Variants in GABARAPL2 observed in about 807,000 individuals in gnomAD.
GABARAPL2 encodes the protein GABA type A receptor associated protein like 2.
GABARAPL2 carries 11 observed loss-of-function variants against 16.9 expected under a neutral mutation model. That is an observed-to-expected ratio of 0.65 (90% CI 0.41 to 1.08). The LOEUF is 1.08. GABARAPL2 is among the 50% of genes least tolerant of loss of function. GABARAPL2 has a pLI of 0.00. For missense variants in GABARAPL2, 134 were observed against 142.5 expected (o/e 0.94, Z 0.30); for synonymous variants, 57 against 50.7 (o/e 1.12, Z -0.53).
chr16:75,570,661 C>T (rs961792260), intron 3 of GABARAPL2, among the ~76,000 whole-genome samples: 11 of 152,094 alleles, frequency 7.2e-5, no homozygotes, highest in Non-Finnish European at 1.3e-4. Flanking sequence ...AGGCGGTCAC[C>T]ATGTAAAGTG....
intron 3 of GABARAPL2, among the ~76,000 whole-genome samples, chr16:75,570,169 C>G (rs988205646): frequency 6.6e-6 from 1 of 152,078 alleles, no homozygotes; most frequent in African/African-American, 2.4e-5. Context: ...AATCTGAGCT[C>G]ACTACAATCT....
At chr16:75,574,926 G>T (rs1209616629) in intron 3 of GABARAPL2, among the ~76,000 whole-genome samples, 2 of 152,012 alleles carry the variant, frequency 1.3e-5, no homozygotes, top group African/African-American at 2.4e-5. Context: ...CCAGCTACTT[G>T]GGAGGCTAAG....
intron 2 of GABARAPL2, 129 bp from the exon 3 acceptor site, chr16:75,567,908 C>G (rs193041607): frequency 1.6e-6 from 1 of 616,592 alleles, no homozygotes; most frequent in East Asian, 2.6e-5. Context: ...AAGCCAAAGA[C>G]ATATTTTCTC....
intron 1 of GABARAPL2, 74 bp from the exon 2 acceptor site, chr16:75,566,775 CAGG>C (rs1259514264): frequency 1.2e-5 from 16 of 1,350,324 alleles, no homozygotes; most frequent in Non-Finnish European, 1.5e-5. Context: ...ACGCAGGGCG[CAGG>C]AGGAGGAGGG....
intron 3 of GABARAPL2, among the ~76,000 whole-genome samples, chr16:75,568,763 C>G (rs528963210): frequency 1.3e-5 from 2 of 152,354 alleles, no homozygotes; most frequent in Admixed American, 1.3e-4. Context: ...CTTTGACTGT[C>G]AGACTATTGT....
chr16:75,571,327 T>G (rs865873589), intron 3 of GABARAPL2, among the ~76,000 whole-genome samples: 1 of 152,200 alleles, frequency 6.6e-6, no homozygotes, highest in African/African-American at 2.4e-5. Flanking sequence ...CTGTGCTGTT[T>G]AAGAATATGG....
intron 3 of GABARAPL2, among the ~76,000 whole-genome samples, chr16:75,574,425 T>C (rs541961917): frequency 6.6e-6 from 1 of 152,154 alleles, no homozygotes; most frequent in African/African-American, 2.4e-5. Context: ...AGCGGGGAGA[T>C]GTTACGACAG....
Position 75,577,803 on chromosome 16 carries a change from G to C in GABARAPL2, c.*434G>C, listed in dbSNP as rs990735248. 1 of 159,900 alleles carries C rather than the reference G, an allele frequency of 6.3e-6. No individual in the cohort carries two copies. Among genetic ancestry groups the C allele is most frequent in the African/African-American group, 2.4e-5 (1 of 41,538 alleles). 9.9% of individuals were successfully genotyped at this position (159,900 alleles called of 1,614,324 possible). On this transcript the variant is annotated 3_prime_UTR_variant, in exon 4 of 4. Transcript: ENST00000037243. ...CTAGAATATGCCAACTGCCAATCATGTTGGACTGAGCTAATTTGTTCCTCT... is the reference window on the plus strand; with the variant it reads ...CTAGAATATGCCAACTGCCAATCATCTTGGACTGAGCTAATTTGTTCCTCT...
At position 75,566,922 on chromosome 16, in the gene GABARAPL2, C is replaced by G. The variant is rs1408910039; in HGVS notation, c.90+15C>G. ...ACAGGGTTCCGGTGAGTGGACTCTCCGCCCCCTCACCTCGCTGTCACCTCT... is the reference window on the plus strand; with the variant it reads ...ACAGGGTTCCGGTGAGTGGACTCTCGGCCCCCTCACCTCGCTGTCACCTCT... On this transcript the variant is annotated intron_variant, in intron 2 of 3. Coordinates refer to ENST00000037243, the MANE Select transcript of GABARAPL2 (RefSeq NM_007285.7). 3 of 1,601,928 alleles carry G rather than the reference C, an allele frequency of 1.9e-6. No homozygotes were observed. The highest frequency in any genetic ancestry group is 2.7e-5 in the African/African-American group (2 of 74,722).
chr16:75,575,954 A>T (rs1369714095), intron 3 of GABARAPL2: 1 of 152,196 alleles, frequency 6.6e-6, no homozygotes, highest in East Asian at 1.9e-4. Flanking sequence ...TACACTGCAC[A>T]TCCCAATTCA....
rs1298236655 is a variant in GABARAPL2, at chr16:75,566,618, ATG to A, written c.34+99_34+100del. The A allele has an allele frequency of 2.9e-6, 4 of 1,361,542 alleles. No homozygotes were observed. In the East Asian group the frequency reaches 9.5e-5, roughly 32 times the overall value. The allele number at this position is 1,361,542 out of a possible 1,614,324, so 84.3% of individuals were successfully genotyped here. ...CCCTGGGCCGAGTGGAGCGGGGCGG[ATG>A]CCCTGCTGCGGGCTGGAGTCGCCCA... is the stretch of plus-strand genomic sequence containing the variant. On this transcript the variant is annotated intron_variant, in intron 1 of 3. Coordinates refer to ENST00000037243, the MANE Select transcript of GABARAPL2 (RefSeq NM_007285.7).
rs1330346049 is a variant in GABARAPL2 at position 75,568,088 on chromosome 16, A to G, written c.142A>G (p.Lys48Glu). Residue 48 changes from lysine to glutamate, a missense_variant, in exon 3 of 4, where the codon AAG (lysine) becomes GAG (glutamate). Transcript: ENST00000037243. ...TCAGATTGTTGACATTGACAAACGGAAGTACTTGGTTCCATCTGATATCAC... is the reference window on the plus strand; with the variant it reads ...TCAGATTGTTGACATTGACAAACGGGAGTACTTGGTTCCATCTGATATCAC... ...GSQIVDIDKR[K>E]YLVPSDITVA... 6.2e-7 allele frequency: 1 copy of G among 1,610,702 alleles called. No homozygotes were observed. The highest frequency in any genetic ancestry group is 2.2e-5 in the East Asian group (1 of 44,770).
In GABARAPL2 at chr16:75,566,406, T is replaced by TGCC. The variant is rs1194615542; in HGVS notation, c.-76_-74dup. 2 of 1,086,628 alleles carry TGCC rather than the reference T, an allele frequency of 1.8e-6. No individual in the cohort carries two copies. Among genetic ancestry groups the TGCC allele is most frequent in the Admixed American group, 4.0e-5 (2 of 49,934 alleles). 67.3% of individuals were successfully genotyped at this position (1,086,628 alleles called of 1,614,324 possible). ...TCGCCGCCGTCGCTGCCGCTGCCGCTGCCGCCGTCGTTGTTGTTGTGCTCG... is the reference window on the plus strand; with the variant it reads ...TCGCCGCCGTCGCTGCCGCTGCCGCTGCCGCCGCCGTCGTTGTTGTTGTGCTCG... On this transcript the variant is annotated 5_prime_UTR_variant, in exon 1 of 4. Coordinates refer to ENST00000037243, the MANE Select transcript of GABARAPL2 (RefSeq NM_007285.7).
chr16:75,566,469 C>G lies in GABARAPL2; in HGVS notation c.-18C>G, dbSNP rs2080882856. The stretch of plus-strand genomic sequence containing the variant: ...CCGCGGCTCCGCGAGCCGGTTCCGT[C>G]CCCTTCCCGCCGCCGCCATGAAGTG... On this transcript the variant is annotated 5_prime_UTR_variant, in exon 1 of 4. Transcript: ENST00000037243. The G allele has an allele frequency of 1.3e-6, 2 of 1,599,176 alleles. No homozygotes were observed. Among genetic ancestry groups the G allele is most frequent in the African/African-American group, 1.4e-5 (1 of 73,374 alleles).
At chr16:75,572,484 ATCCATACAGTTCTAGGTCAGCCTC>A (rs1480929333) in intron 3 of GABARAPL2, 2 of 152,348 alleles carry the variant, frequency 1.3e-5, no homozygotes, top group East Asian at 3.9e-4. Flanking sequence ...GGGATTGGGC[ATCCATACAGTTCTAGGTCAGCCTC>A]TCCCAATGCA....
In GABARAPL2 at chr16:75,568,233, C is replaced by T. The variant is rs759302311; in HGVS notation, c.263+24C>T. ...AGGTGAGAGGTGTTTACTAGATGGGCCCTCTGGTATTAGACATCTGGTTGG... is the reference window on the plus strand; with the variant it reads ...AGGTGAGAGGTGTTTACTAGATGGGTCCTCTGGTATTAGACATCTGGTTGG... On this transcript the variant is annotated intron_variant, in intron 3 of 3. Transcript: ENST00000037243. 2.7e-5 allele frequency: 41 copies of T among 1,541,492 alleles called. No individual in the cohort carries two copies. The East Asian group carries it at 8.7e-4, about 33-fold the overall frequency.
intron 2 of GABARAPL2, among the ~76,000 whole-genome samples, chr16:75,567,389 G>A (rs2080890459): frequency 6.6e-6 from 1 of 152,130 alleles, no homozygotes; most frequent in Non-Finnish European, 1.5e-5. Context: ...AACCCCTTCT[G>A]CCATATTTTC....
At position 75,577,368 on chromosome 16, in the gene GABARAPL2, G is replaced by T; in HGVS notation, c.353G>T (p.Ter118LeuextTer6). 6.3e-7 allele frequency: 1 copy of T among 1,583,058 alleles called. No individual in the cohort carries two copies. The highest frequency in any genetic ancestry group is 1.1e-5 in the South Asian group (1 of 90,460). Residue 118 changes from the stop codon to leucine (L), a stop_lost, in exon 4 of 4, where the codon TGA becomes TTA. Coordinates refer to ENST00000037243, the MANE Select transcript of GABARAPL2 (RefSeq NM_007285.7). Reference sequence around the variant, plus strand: ...AGCGGAGAGAACACTTTTGGCTTCTGAGGGCCATTGCTGGGCTAGGTGCAC... The same window carrying T: ...AGCGGAGAGAACACTTTTGGCTTCTTAGGGCCATTGCTGGGCTAGGTGCAC... ...AYSGENTFGF[*>L]
intron 3 of GABARAPL2, chr16:75,576,708 A>G (rs866919376): frequency 1.3e-5 from 2 of 152,910 alleles, no homozygotes; most frequent in Non-Finnish European, 2.9e-5. Context: ...CAGCTTTTCT[A>G]CCCACACACG....
Sources: allele counts gnomAD v4.1 joint callset (sites outside exome capture counted in the v4.1 genomes callset), GRCh38; gene constraint gnomAD v4.1.1; transcripts MANE v1.5; gene names NCBI Gene and HGNC (gene_info 2026-07-23, HGNC 2026-07-21).